SNAP91: variants seen among roughly 807,000 people sequenced by gnomAD.
SNAP91 encodes synaptosome associated protein 91, also known as clathrin coat assembly protein AP180.
In SNAP91, 27 loss-of-function variants were observed where a neutral mutation model predicts 100.3. That is an observed-to-expected ratio of 0.27 (90% CI 0.20 to 0.37). The LOEUF is 0.37. Among genes scored for constraint, SNAP91 ranks in the 10% least tolerant of loss-of-function variants. The probability of loss-of-function intolerance (pLI) is 1.00; values close to 1 mark genes in which losing one functional copy is unlikely to be tolerated. For missense variants in SNAP91, 986 were observed against 1,123.7 expected, an observed-to-expected ratio of 0.88 and a Z score of 1.75; for synonymous variants, 404 against 398.6, an observed-to-expected ratio of 1.01 and a Z score of -0.16.
chr6:83,663,389 A>C (rs1213664654), intron 3 of SNAP91, among the ~76,000 whole-genome samples: 1 of 152,164 alleles, frequency 6.6e-6, no homozygotes, highest in African/African-American at 2.4e-5. Context: ...CCAAGTTGTA[A>C]ATATAAAGGA....
chr6:83,572,602 G>A (rs1027982727), intron 26 of SNAP91, among the ~76,000 whole-genome samples: 2 of 151,794 alleles, frequency 1.3e-5, no homozygotes, highest in Non-Finnish European at 2.9e-5. Flanking sequence ...AGATACTAAT[G>A]TTCTCACCAC....
At chr6:83,708,065 C>T in intron 1 of SNAP91, 108 bp from the exon 2 acceptor site, 1 of 940,486 alleles carries the variant, frequency 1.1e-6, no homozygotes, top group African/African-American at 1.7e-5. Context: ...CTCCTCCATC[C>T]CCACCCTGGC....
intron 8 of SNAP91, among the ~76,000 whole-genome samples, chr6:83,629,704 T>C (rs957427375): frequency 3.9e-5 from 6 of 152,108 alleles, no homozygotes; most frequent in Non-Finnish European, 7.4e-5. Flanking sequence ...ACATTAATTT[T>C]GTATCCAGAA....
At chr6:83,704,170 A>G (rs2099351911) in intron 2 of SNAP91, among the ~76,000 whole-genome samples, 1 of 152,228 alleles carries the variant, frequency 6.6e-6, no homozygotes, top group African/African-American at 2.4e-5. Context: ...GTAACTAAAA[A>G]GGTAAATACT....
chr6:83,582,938 C>A (rs1830503188), intron 22 of SNAP91, among the ~76,000 whole-genome samples: 1 of 152,156 alleles, frequency 6.6e-6, no homozygotes, highest in Non-Finnish European at 1.5e-5. Flanking sequence ...ATCTAGTCTT[C>A]ACAGTGCAGC....
chr6:83,704,643 T>C (rs1042576521), intron 2 of SNAP91, among the ~76,000 whole-genome samples: 2 of 152,154 alleles, frequency 1.3e-5, no homozygotes, highest in African/African-American at 4.8e-5. Context: ...TACCTTAATA[T>C]TAAATACATA....
In SNAP91 at chr6:83,593,461, C is replaced by G; in HGVS notation, c.1696+17G>C. On this transcript the variant is annotated intron_variant, in intron 18 of 29. Transcript: ENST00000369694. ...CCACTAGACGGAAAGAGGTCGACAA[C>G]AATAACAAAAAATTACCACCAAAGA... 6.5e-7 allele frequency: 1 copy of G among 1,548,490 alleles called. No individual in the cohort carries two copies.
At chr6:83,622,504 T>A (rs2096769713) in intron 9 of SNAP91, among the ~76,000 whole-genome samples, 1 of 152,078 alleles carries the variant, frequency 6.6e-6, no homozygotes, top group African/African-American at 2.4e-5. Flanking sequence ...CATATATTCA[T>A]TACTGGTAAA....
intron 2 of SNAP91, among the ~76,000 whole-genome samples, chr6:83,693,500 A>G (rs1284929582): frequency 6.6e-6 from 1 of 152,216 alleles, no homozygotes; most frequent in Non-Finnish European, 1.5e-5. Context: ...TAGGTACCTA[A>G]GTGGCAACTC....
intron 10 of SNAP91, among the ~76,000 whole-genome samples, chr6:83,616,552 T>C (rs1276397943): frequency 1.3e-5 from 2 of 152,146 alleles, no homozygotes; most frequent in African/African-American, 2.4e-5. Flanking sequence ...CAAAAAACTA[T>C]ACTTGAGGGC....
At position 83,592,939 on chromosome 6, in the gene SNAP91, C is replaced by G; in HGVS notation, c.1846+7G>C. 6.4e-7 allele frequency: 1 copy of G among 1,573,480 alleles called. No individual in the cohort carries two copies. The highest frequency in any genetic ancestry group is 8.6e-7 in the Non-Finnish European group (1 of 1,158,228). On this transcript the variant is annotated splice_region_variant and intron_variant, in intron 20 of 29. Transcript: ENST00000369694. ...CTCTGAAGTCCTGACCTTGGCAAAG[C>G]ACTCACCAGATAAGAGGTCAGCAGT...
chr6:83,578,792 A>G (rs946771105), intron 24 of SNAP91, among the ~76,000 whole-genome samples: 44 of 152,284 alleles, frequency 2.9e-4, no homozygotes, highest in Middle Eastern at 3.4e-3. Context: ...GTCATATCTA[A>G]GAAACCAAAC....
At chr6:83,586,318 A>C (rs2092615144) in intron 22 of SNAP91, among the ~76,000 whole-genome samples, 1 of 152,222 alleles carries the variant, frequency 6.6e-6, no homozygotes, top group African/African-American at 2.4e-5. Flanking sequence ...CATTTTAAGC[A>C]ATTAATGTGG....
chr6:83,686,220 G>C (rs761711769), intron 2 of SNAP91: 1 of 984,616 alleles, frequency 1.0e-6, no homozygotes, highest in Admixed American at 6.2e-5. Flanking sequence ...TTCCTGCACC[G>C]GGCCTGCAAA....
chr6:83,612,808 T>C (rs1373544670), intron 11 of SNAP91, among the ~76,000 whole-genome samples: 1 of 150,678 alleles, frequency 6.6e-6, no homozygotes, highest in Non-Finnish European at 1.5e-5. Context: ...GGAGAATCGC[T>C]TGAACCTGGT....
chr6:83,590,555 A>AC (rs962098154), intron 22 of SNAP91, among the ~76,000 whole-genome samples: 6 of 152,100 alleles, frequency 3.9e-5, no homozygotes, highest in Admixed American at 1.3e-4. Context: ...CTTGTTAAAA[A>AC]AAAAAACAAA....
intron 7 of SNAP91, among the ~76,000 whole-genome samples, chr6:83,651,658 A>T (rs749773174): frequency 2.0e-5 from 3 of 152,070 alleles, no homozygotes; most frequent in Non-Finnish European, 4.4e-5. Context: ...TATGGTTCAG[A>T]TTGTGGTCTC....
intron 14 of SNAP91, 65 bp downstream of exon 14, chr6:83,605,620 A>G: frequency 6.5e-7 from 1 of 1,541,356 alleles, no homozygotes; most frequent in Non-Finnish European, 8.8e-7. Flanking sequence ...TAACAATTAT[A>G]GCCTAAGTAA....
intron 2 of SNAP91, among the ~76,000 whole-genome samples, chr6:83,665,798 T>C (rs541513170): frequency 6.6e-6 from 1 of 152,210 alleles, no homozygotes; most frequent in Non-Finnish European, 1.5e-5. Context: ...TGAGTATATT[T>C]TGCTACTTAA....
Sources: gnomAD v4.1 joint callset for allele counts (sites outside exome capture counted in the v4.1 genomes callset) on GRCh38, gnomAD v4.1.1 for gene constraint, MANE v1.5 for transcripts, NCBI Gene and HGNC (gene_info 2026-07-23, HGNC 2026-07-21) for gene names.